The following VSTM2L variants were observed in gnomAD, a reference collection of about 807,000 sequenced individuals.
VSTM2L encodes V-set and transmembrane domain containing 2 like.
A neutral mutation model predicts 19.9 loss-of-function variants in VSTM2L; 9 were observed. That is an observed-to-expected ratio of 0.45 (90% CI 0.27 to 0.79). The LOEUF (loss-of-function observed/expected upper bound fraction) is 0.79, where lower values mean the gene tolerates loss of function less well. Among genes scored for constraint, VSTM2L ranks in the 30% least tolerant of loss-of-function variants. VSTM2L has a pLI of 0.15. For synonymous variants in VSTM2L, 127 were observed against 133.8 expected (o/e 0.95, Z 0.35); for missense variants, 286 against 295.5 (o/e 0.97, Z 0.24).
At chr20:37,906,248 C>T (rs2072751462) in intron 1 of VSTM2L, among the ~76,000 whole-genome samples, 1 of 152,122 alleles carries the variant, frequency 6.6e-6, no homozygotes, top group African/African-American at 2.4e-5. Context: ...GTTTTGCTTC[C>T]CATCTCCCTC....
intron 3 of VSTM2L, among the ~76,000 whole-genome samples, chr20:37,936,942 T>C (rs1377777420): frequency 3.3e-5 from 5 of 149,790 alleles, no homozygotes; most frequent in African/African-American, 1.2e-4. Flanking sequence ...AAAAATCAGA[T>C]GCTGGGCGCA....
intron 1 of VSTM2L, among the ~76,000 whole-genome samples, chr20:37,929,595 A>G (rs1325382298): frequency 2.0e-5 from 3 of 152,130 alleles, no homozygotes; most frequent in Non-Finnish European, 4.4e-5. Flanking sequence ...TGTTTTGTCA[A>G]GGTACGTCTG....
At chr20:37,932,643 C>T (rs1568841448) in intron 2 of VSTM2L, among the ~76,000 whole-genome samples, 1 of 152,098 alleles carries the variant, frequency 6.6e-6, no homozygotes, top group Non-Finnish European at 1.5e-5. Context: ...CAACATACCC[C>T]CCATTATTAA....
chr20:37,943,469 C>T (rs1410451128), intron 3 of VSTM2L, among the ~76,000 whole-genome samples: 1 of 141,472 alleles, frequency 7.1e-6, no homozygotes, highest in South Asian at 2.3e-4. Flanking sequence ...AACTTTCAGA[C>T]TAAACGAAGA....
intron 3 of VSTM2L, among the ~76,000 whole-genome samples, chr20:37,934,332 G>A (rs2122970896): frequency 6.6e-6 from 1 of 152,316 alleles, no homozygotes; most frequent in East Asian, 1.9e-4. Context: ...GAGGTGAACT[G>A]GGGAGAGAAC....
Position 37,945,068 on chromosome 20 carries a change from C to G in VSTM2L, c.*815C>G. The stretch of plus-strand genomic sequence containing the variant: ...CCCAGCTCCCTCTTGGGTCCTGTGC[C>G]AAGTCCGCCCCAGGGCCTGGGGCTG... On this transcript the variant is annotated 3_prime_UTR_variant, in exon 4 of 4. Transcript: ENST00000373461. The G allele has an allele frequency of 1.0e-6, 1 of 985,826 alleles. No homozygotes were observed. Among genetic ancestry groups the G allele is most frequent in the Non-Finnish European group, 1.2e-6 (1 of 829,926 alleles). The allele number at this position is 985,826 out of a possible 1,614,324, so 61.1% of individuals were successfully genotyped here. A position where few individuals can be genotyped will look rare whatever the true frequency, so the allele number is the denominator to read the frequency against.
intron 1 of VSTM2L, among the ~76,000 whole-genome samples, chr20:37,918,091 G>A (rs1169051150): frequency 6.6e-6 from 1 of 152,194 alleles, no homozygotes; most frequent in Admixed American, 6.5e-5. Context: ...ATGCAATTCA[G>A]GTATTTTCAT....
At chr20:37,930,493 C>A (rs1050264349) in intron 1 of VSTM2L, among the ~76,000 whole-genome samples, 4 of 152,072 alleles carry the variant, frequency 2.6e-5, no homozygotes, top group African/African-American at 4.8e-5. Flanking sequence ...TCCTGGGTGA[C>A]CTGCACGTTG....
Position 37,933,524 on chromosome 20 carries a change from C to T in VSTM2L, c.292-15C>T, listed in dbSNP as rs768924067. On this transcript the variant is annotated splice_polypyrimidine_tract_variant and intron_variant, in intron 2 of 3. Coordinates refer to ENST00000373461, the MANE Select transcript of VSTM2L (RefSeq NM_080607.3). ...CCTTGTCTCTGCTCTCTCCGCCCCT[C>T]CCCGATCCCAACAGCTAAAAGCATC... The T allele has an allele frequency of 3.1e-6, 5 of 1,613,210 alleles. No homozygotes were observed. Among genetic ancestry groups the T allele is most frequent in the Non-Finnish European group, 4.2e-6 (5 of 1,179,754 alleles).
Position 37,910,936 on chromosome 20 carries a change from AAAG to A in VSTM2L, c.121+7483_121+7485del, listed in dbSNP as rs535141497. 3.9e-3 allele frequency among the ~76,000 whole-genome samples: 592 copies of A among 151,012 alleles called. 8 individuals are homozygous for A. Among genetic ancestry groups the A allele is most frequent in the African/African-American group, 0.012 (495 of 41,146 alleles). ...TGTCTCTTAAAAAAAAAAAAAAGAA[AAAG>A]AAGAAGAAGAAGAAGAATATATACG... On this transcript the variant is annotated intron_variant, in intron 1 of 3. Coordinates refer to ENST00000373461, the MANE Select transcript of VSTM2L (RefSeq NM_080607.3).
chr20:37,935,344 A>G (rs552856369), intron 3 of VSTM2L, among the ~76,000 whole-genome samples: 70 of 152,296 alleles, frequency 4.6e-4, no homozygotes, highest in African/African-American at 1.0e-3. Flanking sequence ...AAGAAAAACC[A>G]TTCCTAATAC....
chr20:37,942,988 G>A (rs916271344), intron 3 of VSTM2L, among the ~76,000 whole-genome samples: 3 of 151,892 alleles, frequency 2.0e-5, no homozygotes, highest in Non-Finnish European at 2.9e-5. Flanking sequence ...TTTTTGAGAC[G>A]GAGTCTCGCG....
Position 37,903,165 on chromosome 20 carries a change from C to G in VSTM2L, c.-186C>G, listed in dbSNP as rs1429040156. 1.3e-6 allele frequency: 1 copy of G among 793,998 alleles called. No individual in the cohort carries two copies. The allele number at this position is 793,998 out of a possible 1,614,324, so 49.2% of individuals were successfully genotyped here. On this transcript the variant is annotated 5_prime_UTR_variant, in exon 1 of 4. Transcript: ENST00000373461. ...GCCGGCTGGGCGTGCGCTCGCTCCC[C>G]GAAGCCGGGGCTGGGCCGGAGCCGG...
chr20:37,903,301 C>G lies in VSTM2L; in HGVS notation c.-50C>G. ...GGACAGCTGGCGCCGGTTCTGCGGT[C>G]TCCGGGGCCCAGATGTGAGGCGGCG... On this transcript the variant is annotated 5_prime_UTR_variant, in exon 1 of 4. Coordinates refer to ENST00000373461, the MANE Select transcript of VSTM2L (RefSeq NM_080607.3). The G allele has an allele frequency of 7.3e-7, 1 of 1,360,698 alleles. No individual in the cohort carries two copies. The highest frequency in any genetic ancestry group is 1.7e-5 in the South Asian group (1 of 57,356). The allele number at this position is 1,360,698 out of a possible 1,614,324, so 84.3% of individuals were successfully genotyped here. A position where few individuals can be genotyped will look rare whatever the true frequency, so the allele number is the denominator to read the frequency against.
At chr20:37,925,876 C>T (rs1490651269) in intron 1 of VSTM2L, among the ~76,000 whole-genome samples, 2 of 152,190 alleles carry the variant, frequency 1.3e-5, no homozygotes, top group African/African-American at 4.8e-5. Flanking sequence ...CTGCTCCCGG[C>T]TCTACTACCT....
chr20:37,929,184 G>A (rs1600570102), intron 1 of VSTM2L, among the ~76,000 whole-genome samples: 1 of 152,214 alleles, frequency 6.6e-6, no homozygotes, highest in South Asian at 2.1e-4. Context: ...AGCCATGTGA[G>A]GGAAGGCAGT....
At chr20:37,943,812 T>C (rs554771607) in intron 3 of VSTM2L, among the ~76,000 whole-genome samples, 169 bp from the exon 4 acceptor site, 44 of 152,242 alleles carry the variant, frequency 2.9e-4, no homozygotes, top group Middle Eastern at 3.4e-3. Flanking sequence ...TGGCAGTTGC[T>C]TTTACTTTTT....
intron 3 of VSTM2L, among the ~76,000 whole-genome samples, chr20:37,943,300 G>A (rs947542555): frequency 2.0e-5 from 3 of 149,604 alleles, no homozygotes; most frequent in Non-Finnish European, 4.5e-5. Context: ...TTAAAAGACC[G>A]GTCTCACTCT....
chr20:37,933,842 C>T (rs1175536656), intron 3 of VSTM2L, among the ~76,000 whole-genome samples: 1 of 152,196 alleles, frequency 6.6e-6, no homozygotes, highest in Non-Finnish European at 1.5e-5. Flanking sequence ...CTGTGTGCAT[C>T]CTGGTGCCTT....
Sources: gnomAD v4.1 joint callset for allele counts (sites outside exome capture counted in the v4.1 genomes callset) on GRCh38, gnomAD v4.1.1 for gene constraint, MANE v1.5 for transcripts, NCBI Gene and HGNC (gene_info 2026-07-23, HGNC 2026-07-21) for gene names.